DISC1: variants seen among roughly 807,000 people sequenced by gnomAD.
The protein encoded by DISC1 is disrupted in schizophrenia 1 protein.
A neutral mutation model predicts 84.5 loss-of-function variants in DISC1; 57 were observed. The observed-to-expected ratio is 0.67, with a 90% CI of 0.55 to 0.84. The LOEUF (loss-of-function observed/expected upper bound fraction) is 0.84. DISC1 is among the 40% of genes least tolerant of loss of function. DISC1 has a pLI of 0.00. For missense variants in DISC1, 1,000 were observed against 1,057.8 expected (o/e 0.95, Z 0.76); for synonymous variants, 411 against 415.2 (o/e 0.99, Z 0.12).
intron 1 of DISC1, among the ~76,000 whole-genome samples, chr1:231,670,929 T>A (rs1318487728): frequency 3.9e-5 from 6 of 152,222 alleles, no homozygotes; most frequent in Admixed American, 3.9e-4. Flanking sequence ...ATTGTCTTTA[T>A]AATGTCTGCC....
At chr1:231,776,209 T>C (rs184370313) in intron 6 of DISC1, among the ~76,000 whole-genome samples, 5 of 152,270 alleles carry the variant, frequency 3.3e-5, no homozygotes, top group Admixed American at 3.3e-4. Context: ...GGAATAATTA[T>C]AGTAATAATC....
intron 9 of DISC1, among the ~76,000 whole-genome samples, chr1:231,846,029 G>T (rs1037789496): frequency 7.9e-5 from 12 of 152,066 alleles, no homozygotes; most frequent in Non-Finnish European, 1.5e-4. Flanking sequence ...CAATGAGAAG[G>T]ACAGCTTGGG....
chr1:231,819,717 A>G (rs2081352620), intron 9 of DISC1, among the ~76,000 whole-genome samples: 1 of 152,188 alleles, frequency 6.6e-6, no homozygotes, highest in Non-Finnish European at 1.5e-5. Flanking sequence ...CATGATAGGA[A>G]TGAGGATTGT....
intron 3 of DISC1, among the ~76,000 whole-genome samples, chr1:231,719,325 C>G (rs1283018278): frequency 6.6e-6 from 1 of 152,148 alleles, no homozygotes; most frequent in African/African-American, 2.4e-5. Context: ...TCAAAGTAGC[C>G]TCTCAAGAAG....
At chr1:231,697,526 A>G (rs2125685107) in intron 2 of DISC1, among the ~76,000 whole-genome samples, 1 of 151,842 alleles carries the variant, frequency 6.6e-6, no homozygotes, top group Admixed American at 6.6e-5. Context: ...TGCAACCTTG[A>G]ACTCCTGGGC....
At chr1:231,851,399 G>A (rs1400539945) in intron 9 of DISC1, among the ~76,000 whole-genome samples, 1 of 152,168 alleles carries the variant, frequency 6.6e-6, no homozygotes, top group Admixed American at 6.5e-5. Flanking sequence ...TCGCAGAGTT[G>A]GGGCGATAAA....
In DISC1 at chr1:231,941,608, G is replaced by A. The variant is rs563743109; in HGVS notation, c.1982-17220G>A. Among the ~76,000 whole-genome samples the A allele has an allele frequency of 2.0e-5, 3 of 152,134 alleles. No individual in the cohort carries two copies. The South Asian group carries it at 6.2e-4, about 32-fold the overall frequency. ...CTGCCTCAGCCTCCCGAGTAGCTGG[G>A]ACTACAGGTGCACGCCACCATGCCC... is the stretch of plus-strand genomic sequence containing the variant. On this transcript the variant is annotated intron_variant, in intron 9 of 12. Transcript: ENST00000439617.
At chr1:231,699,001 G>C (rs1469078740) in intron 2 of DISC1, among the ~76,000 whole-genome samples, 1 of 152,168 alleles carries the variant, frequency 6.6e-6, no homozygotes, top group South Asian at 2.1e-4. Flanking sequence ...CAGGCACTAC[G>C]TTAGAGGCTC....
At chr1:231,825,653 A>T (rs2125794396) in intron 9 of DISC1, among the ~76,000 whole-genome samples, 1 of 152,252 alleles carries the variant, frequency 6.6e-6, no homozygotes, top group Non-Finnish European at 1.5e-5. Context: ...CATTGCCTGC[A>T]TCCAACTCTT....
rs537925970 is a variant in DISC1 at position 231,775,685 on chromosome 1, AG to A, written c.1634+4617del. Reference sequence around the variant, plus strand: ...AGCTGACAGAGCAGGGGTGCATGAAAGGACAGGAACCACTTAAAAGATATGT... The same window carrying A: ...AGCTGACAGAGCAGGGGTGCATGAAAGACAGGAACCACTTAAAAGATATGT... On this transcript the variant is annotated intron_variant, in intron 6 of 12. Transcript: ENST00000439617. Among the ~76,000 whole-genome samples, 9 of 152,090 alleles carry A rather than the reference AG, an allele frequency of 5.9e-5. No homozygotes were observed. The East Asian group carries it at 1.7e-3, about 29-fold the overall frequency.
chr1:231,702,060 C>T, intron 3 of DISC1, 36 bp downstream of exon 3: 4 of 1,591,058 alleles, frequency 2.5e-6, no homozygotes, highest in Non-Finnish European at 3.4e-6. Context: ...GTTTTGTCAT[C>T]ATGTCCCAAT....
Position 231,728,039 on chromosome 1 carries a change from G to A in DISC1, c.1118-21887G>A, listed in dbSNP as rs551849440. ...TAGGATGAATCCAGGACTAAAATCTGGGTCTCCTGACTCTTAAGCAGATAA... is the reference window on the plus strand; with the variant it reads ...TAGGATGAATCCAGGACTAAAATCTAGGTCTCCTGACTCTTAAGCAGATAA... On this transcript the variant is annotated intron_variant, in intron 3 of 12. Coordinates refer to ENST00000439617, the MANE Select transcript of DISC1 (RefSeq NM_018662.3). 4.0e-4 allele frequency among the ~76,000 whole-genome samples: 61 copies of A among 152,176 alleles called. 1 individual carries two copies. Among genetic ancestry groups the A allele is most frequent in the Middle Eastern group, 3.4e-3 (1 of 294 alleles).
chr1:231,840,423 T>C (rs1257212981), intron 9 of DISC1, among the ~76,000 whole-genome samples: 1 of 152,172 alleles, frequency 6.6e-6, no homozygotes, highest in East Asian at 1.9e-4. Context: ...ACTGAGTGGA[T>C]AGAATAACAA....
At chr1:231,887,956 A>G (rs2086896038) in intron 9 of DISC1, among the ~76,000 whole-genome samples, 1 of 152,242 alleles carries the variant, frequency 6.6e-6, no homozygotes, top group African/African-American at 2.4e-5. Context: ...ACACACACCA[A>G]CATGGATAAA....
chr1:231,749,932 C>T lies in DISC1; in HGVS notation c.1124C>T (p.Thr375Met), dbSNP rs547023544. 1.7e-5 allele frequency: 27 copies of T among 1,614,128 alleles called. No individual in the cohort carries two copies. The highest frequency in any genetic ancestry group is 6.7e-5 in the African/African-American group (5 of 75,034). The change falls in exon 4 of 13, where the codon ACG becomes ATG. Residue 375 changes from threonine (T) to methionine (M), a missense_variant. By Grantham distance (81) the Thr-to-Met change is moderately conservative. Transcript: ENST00000439617. ...VENDDYDKAE[T>M]LQQRLEDLEQ... ...CATCATTTTGGGTTTCCAGCTGAGACGTTACAACAAAGATTAGAAGACCTG... is the reference window on the plus strand; with the variant it reads ...CATCATTTTGGGTTTCCAGCTGAGATGTTACAACAAAGATTAGAAGACCTG...
chr1:231,630,045 C>G lies in DISC1; in HGVS notation c.67+3111C>G, dbSNP rs1265863764. Among the ~76,000 whole-genome samples the G allele has an allele frequency of 1.3e-5, 2 of 152,196 alleles. No homozygotes were observed. Among genetic ancestry groups the G allele is most frequent in the Non-Finnish European group, 2.9e-5 (2 of 68,032 alleles). On this transcript the variant is annotated intron_variant, in intron 1 of 12. Transcript: ENST00000439617. The surrounding 1 kb of genome is among the most constrained non-coding windows in gnomAD (Gnocchi z 4.4). ...CTCCTGGGTTCAAGCGATTCTCCTG[C>G]CTCAGCCTCTCGAGTAGTGGGATTA...
intron 10 of DISC1, among the ~76,000 whole-genome samples, chr1:231,997,458 G>A (rs1379693277): frequency 6.6e-6 from 1 of 152,132 alleles, no homozygotes; most frequent in African/African-American, 2.4e-5. Flanking sequence ...GCCCACGTGT[G>A]GGGAGAAAAC....
At chr1:231,677,466 T>G (rs193068553) in intron 1 of DISC1, among the ~76,000 whole-genome samples, 11 of 152,214 alleles carry the variant, frequency 7.2e-5, no homozygotes, top group African/African-American at 2.7e-4. Flanking sequence ...TCAGAACAAC[T>G]CGGGGAAAGA....
intron 3 of DISC1, among the ~76,000 whole-genome samples, chr1:231,734,466 C>A (rs2072188657): frequency 6.8e-6 from 1 of 147,542 alleles, no homozygotes; most frequent in Non-Finnish European, 1.5e-5. Context: ...TTTGCAAGGC[C>A]TATTGGCATC....
Sources: gnomAD v4.1 joint callset for allele counts (sites outside exome capture counted in the v4.1 genomes callset) on GRCh38, gnomAD v4.1.1 for gene constraint, Gnocchi (gnomAD v3.1) non-coding constraint, MANE v1.5 for transcripts, NCBI Gene and HGNC (gene_info 2026-07-23, HGNC 2026-07-21) for gene names.